The following C12orf50 variants were observed in gnomAD, a reference collection of about 807,000 sequenced individuals.
The protein encoded by C12orf50 is uncharacterized protein C12orf50.
In C12orf50, 35 loss-of-function variants were observed where a neutral mutation model predicts 61.6. The ratio of observed to expected loss-of-function variants is 0.57; its 90% CI spans 0.43 to 0.75. The LOEUF (loss-of-function observed/expected upper bound fraction) is 0.75. Among genes scored for constraint, C12orf50 ranks in the 30% least tolerant of loss-of-function variants. The probability of loss-of-function intolerance (pLI) is 0.00; values close to 1 mark genes in which losing one functional copy is unlikely to be tolerated. For missense variants in C12orf50, 475 were observed against 488.5 expected, an observed-to-expected ratio of 0.97 and a Z score of 0.26; for synonymous variants, 178 against 161.5, an observed-to-expected ratio of 1.10 and a Z score of -0.77.
intron 7 of C12orf50, among the ~76,000 whole-genome samples, chr12:87,993,875 G>T (rs1041849726): frequency 6.6e-6 from 1 of 152,046 alleles, no homozygotes; most frequent in Admixed American, 6.6e-5. Flanking sequence ...GATGACAAAT[G>T]ATATATATTT....
chr12:88,012,582 A>G (rs1167529711), intron 3 of C12orf50, among the ~76,000 whole-genome samples: 1 of 152,202 alleles, frequency 6.6e-6, no homozygotes, highest in African/African-American at 2.4e-5. Context: ...TCCATGGAAT[A>G]GTTTGGTTAG....
At chr12:88,019,391 T>G (rs2032430939) in intron 3 of C12orf50, among the ~76,000 whole-genome samples, 1 of 152,162 alleles carries the variant, frequency 6.6e-6, no homozygotes, top group African/African-American at 2.4e-5. Context: ...CCATTAAACT[T>G]CCTTCTTGTA....
In C12orf50 at chr12:88,006,960, C is replaced by T. The variant is rs139493764; in HGVS notation, c.134-8770G>A. ...TTTAGTATATTTTATTGAATTAATA[C>T]GATTTCATTTGCTGTATGCCCTTAG... On this transcript the variant is annotated intron_variant, in intron 3 of 12. Coordinates refer to ENST00000298699, the MANE Select transcript of C12orf50 (RefSeq NM_152589.3). Among the ~76,000 whole-genome samples the T allele has an allele frequency of 3.6e-4, 55 of 152,218 alleles. 1 individual carries two copies. The highest frequency in any genetic ancestry group is 1.3e-3 in the African/African-American group (53 of 41,522).
At chr12:88,002,368 T>A (rs1259918659) in intron 3 of C12orf50, among the ~76,000 whole-genome samples, 2 of 151,824 alleles carry the variant, frequency 1.3e-5, no homozygotes, top group East Asian at 3.8e-4. Flanking sequence ...TCAATCATTT[T>A]AAATTTATTC....
In C12orf50 at chr12:87,986,399, CT is replaced by C; in HGVS notation, c.834del (p.Val279Ter). The C allele has an allele frequency of 6.2e-7, 1 of 1,608,704 alleles. No individual in the cohort carries two copies. Among genetic ancestry groups the C allele is most frequent in the Non-Finnish European group, 8.5e-7 (1 of 1,178,152 alleles). On this transcript the variant is annotated frameshift_variant, in exon 10 of 13. Transcript: ENST00000298699. LOFTEE classifies it high-confidence loss of function. ...EDPSSMNDVQPVKKPHFKGVK... is the reference protein window; with the variant it reads ...EDPSSMNDVQXVKKPHFKGVK... The stretch of plus-strand genomic sequence containing the variant: ...ACACCTTTAAAATGAGGCTTCTTCA[CT>C]GGCTGGACATCATTCACTTAGAAAA...
intron 9 of C12orf50, 45 bp from the exon 10 acceptor site, chr12:87,986,461 ATC>A (rs755512061): frequency 7.3e-7 from 1 of 1,370,362 alleles, no homozygotes; most frequent in East Asian, 2.3e-5. Context: ...AGATGCTTTC[ATC>A]TCTGAAATTA....
chr12:87,982,931 T>G (rs1220643571), intron 12 of C12orf50, among the ~76,000 whole-genome samples, 172 bp downstream of exon 12: 2 of 152,160 alleles, frequency 1.3e-5, no homozygotes, highest in African/African-American at 4.8e-5. Flanking sequence ...AGTAAAACAG[T>G]AAAATTACAT....
chr12:88,012,202 A>G (rs1456376442), intron 3 of C12orf50, among the ~76,000 whole-genome samples: 1 of 152,230 alleles, frequency 6.6e-6, no homozygotes, highest in Admixed American at 6.5e-5. Flanking sequence ...AGACTACTAT[A>G]TCGCATCATG....
At chr12:87,985,730 G>T in intron 11 of C12orf50, 120 bp downstream of exon 11, 1 of 924,432 alleles carries the variant, frequency 1.1e-6, no homozygotes, top group Non-Finnish European at 1.7e-6. Flanking sequence ...TTCTATGGTG[G>T]TGATGGCCAG....
chr12:87,993,111 G>C (rs1466434599), intron 7 of C12orf50, among the ~76,000 whole-genome samples: 1 of 151,716 alleles, frequency 6.6e-6, no homozygotes, highest in African/African-American at 2.4e-5. Context: ...CTTTTAGTAT[G>C]GTTTTTCAAC....
chr12:87,992,372 T>C (rs1180037063), intron 7 of C12orf50, among the ~76,000 whole-genome samples: 2 of 152,052 alleles, frequency 1.3e-5, no homozygotes, highest in African/African-American at 2.4e-5. Flanking sequence ...AAGAATCAAT[T>C]GTGTGTGTGT....
intron 11 of C12orf50, chr12:87,984,075 T>C (rs369887740): frequency 7.7e-4 from 116 of 151,106 alleles, no homozygotes; most frequent in African/African-American, 2.7e-3. Context: ...TTTTAATGAT[T>C]GCCATTCTAA....
Position 87,986,328 on chromosome 12 carries a change from G to A in C12orf50, c.906C>T (p.Asn302=), listed in dbSNP as rs1191384162. Reference sequence around the variant, plus strand: ...ACACCTTACCTCTCTGCATTCCAGAGTTAGGAAAGTTCTGTGGTTCATCAT... The same window carrying A: ...ACACCTTACCTCTCTGCATTCCAGAATTAGGAAAGTTCTGTGGTTCATCAT... ...WIYDEPQNFP[N]SGMQRAVQAP... Residue 302 remains asparagine, a synonymous_variant, in exon 10 of 13, where the codon AAC becomes AAT. Coordinates refer to ENST00000298699, the MANE Select transcript of C12orf50 (RefSeq NM_152589.3). The A allele has an allele frequency of 6.2e-7, 1 of 1,603,018 alleles. No homozygotes were observed. Among genetic ancestry groups the A allele is most frequent in the South Asian group, 1.1e-5 (1 of 89,486 alleles).
chr12:88,013,317 T>C (rs550936126), intron 3 of C12orf50, among the ~76,000 whole-genome samples: 72 of 152,190 alleles, frequency 4.7e-4, no homozygotes, highest in Non-Finnish European at 8.7e-4. Flanking sequence ...CCAGATATAC[T>C]GAATCAGACA....
intron 1 of C12orf50, among the ~76,000 whole-genome samples, chr12:88,028,197 T>G (rs533855960): frequency 6.6e-6 from 1 of 152,328 alleles, no homozygotes; most frequent in South Asian, 2.1e-4. Flanking sequence ...TACTTGGGGA[T>G]ACAGCAGTGA....
chr12:87,981,809 T>G (rs1324500989), intron 12 of C12orf50, among the ~76,000 whole-genome samples: 1 of 152,042 alleles, frequency 6.6e-6, no homozygotes. Flanking sequence ...AGAAGCTGTC[T>G]CCAGTCCTCT....
intron 11 of C12orf50, 30 bp downstream of exon 11, chr12:87,985,820 A>G (rs763524604): frequency 6.2e-7 from 1 of 1,607,090 alleles, no homozygotes; most frequent in African/African-American, 1.3e-5. Flanking sequence ...ACCACAGACA[A>G]GAGTAAACCA....
intron 7 of C12orf50, 65 bp from the exon 8 acceptor site, chr12:87,989,436 C>T (rs1361581107): frequency 8.6e-7 from 1 of 1,167,308 alleles, no homozygotes. Context: ...GCTTTCAATA[C>T]AGGAACATTT....
chr12:87,980,101 C>A lies in C12orf50; in HGVS notation c.*230G>T. On this transcript the variant is annotated 3_prime_UTR_variant, in exon 13 of 13. Coordinates refer to ENST00000298699, the MANE Select transcript of C12orf50 (RefSeq NM_152589.3). ...GTAATGCACGGAATGAATTCCAGACCTACATAAATACACTGGCAGCTGTTG... is the reference window on the plus strand; with the variant it reads ...GTAATGCACGGAATGAATTCCAGACATACATAAATACACTGGCAGCTGTTG... The A allele has an allele frequency of 2.0e-6, 1 of 509,516 alleles. No individual in the cohort carries two copies. The highest frequency in any genetic ancestry group is 3.4e-6 in the Non-Finnish European group (1 of 290,526). The allele number at this position is 509,516 out of a possible 1,614,324, so 31.6% of individuals were successfully genotyped here. A position where few individuals can be genotyped will look rare whatever the true frequency, so the allele number is the denominator to read the frequency against.
Sources: gnomAD v4.1 joint callset for allele counts (sites outside exome capture counted in the v4.1 genomes callset) on GRCh38, gnomAD v4.1.1 for gene constraint, MANE v1.5 for transcripts, NCBI Gene and HGNC (gene_info 2026-07-23, HGNC 2026-07-21) for gene names.